Variants in CSMD1 observed in about 807,000 individuals in gnomAD.
CSMD1 encodes CUB and sushi domain-containing protein 1.
In CSMD1, 213 loss-of-function variants were observed where a neutral mutation model predicts 417.5. The observed-to-expected ratio is 0.51, with a 90% CI of 0.46 to 0.57. The LOEUF is 0.57. Ranked by LOEUF, CSMD1 falls within the 20% of genes least tolerant of loss-of-function variation. The probability of loss-of-function intolerance (pLI) is 0.00; values close to 1 mark genes in which losing one functional copy is unlikely to be tolerated. For missense variants in CSMD1, 6,923 were observed against 4,529.7 expected, an observed-to-expected ratio of 1.53 and a Z score of -15.17; for synonymous variants, 2,862 against 1,736.8, an observed-to-expected ratio of 1.65 and a Z score of -16.11.
intron 7 of CSMD1, among the ~76,000 whole-genome samples, chr8:3,635,947 T>C (rs752945034): frequency 6.6e-6 from 1 of 152,204 alleles, no homozygotes; most frequent in African/African-American, 2.4e-5. Context: ...TTTTTGGCTT[T>C]ATAAACTTCT....
intron 3 of CSMD1, among the ~76,000 whole-genome samples, chr8:4,360,311 T>A (rs532488853): frequency 6.6e-6 from 1 of 152,282 alleles, no homozygotes; most frequent in East Asian, 1.9e-4. Context: ...TGCATCCAGC[T>A]CCATGGGAAG....
At chr8:4,430,409 T>A (rs1797809621) in intron 2 of CSMD1, among the ~76,000 whole-genome samples, 1 of 152,180 alleles carries the variant, frequency 6.6e-6, no homozygotes. Flanking sequence ...CTCATGGTTA[T>A]GACATAGTCT....
chr8:4,237,237 G>T (rs758977008), intron 3 of CSMD1, among the ~76,000 whole-genome samples: 1 of 152,104 alleles, frequency 6.6e-6, no homozygotes, highest in Non-Finnish European at 1.5e-5. Context: ...CGAAGTAGAC[G>T]TCCTGCCCTT....
intron 5 of CSMD1, among the ~76,000 whole-genome samples, chr8:3,824,971 T>A (rs1268338816): frequency 6.6e-6 from 1 of 152,188 alleles, no homozygotes; most frequent in Non-Finnish European, 1.5e-5. Context: ...TGTTGTTTAA[T>A]AATAAACACA....
intron 4 of CSMD1, among the ~76,000 whole-genome samples, chr8:4,021,434 G>A (rs903559640): frequency 1.3e-5 from 2 of 152,146 alleles, no homozygotes; most frequent in African/African-American, 2.4e-5. Flanking sequence ...GGACAGCACT[G>A]CTCTAATTAC....
chr8:4,358,690 G>A (rs1365980252), intron 3 of CSMD1, among the ~76,000 whole-genome samples: 3 of 152,276 alleles, frequency 2.0e-5, no homozygotes, highest in South Asian at 4.1e-4. Flanking sequence ...TTTTCTAAGA[G>A]TAGAAACCAG....
intron 3 of CSMD1, among the ~76,000 whole-genome samples, chr8:4,243,953 C>A (rs1234806600): frequency 1.3e-5 from 2 of 152,172 alleles, no homozygotes; most frequent in Admixed American, 6.6e-5. Context: ...CTACAATCAT[C>A]AGTAGCAGGT....
At chr8:3,203,276 A>C in intron 31 of CSMD1, among the ~76,000 whole-genome samples, 1 of 152,118 alleles carries the variant, frequency 6.6e-6, no homozygotes, top group East Asian at 1.9e-4. Flanking sequence ...ACATGGCCCC[A>C]ACGTCTTCCT....
At chr8:4,815,893 G>A (rs1799178547) in intron 1 of CSMD1, among the ~76,000 whole-genome samples, 1 of 152,068 alleles carries the variant, frequency 6.6e-6, no homozygotes, top group Admixed American at 6.5e-5. Context: ...AATTGGTTAT[G>A]ATCTCATCTA....
intron 36 of CSMD1, among the ~76,000 whole-genome samples, chr8:3,187,012 C>T (rs764801009): frequency 2.0e-4 from 30 of 152,102 alleles, no homozygotes; most frequent in Admixed American, 5.2e-4. Context: ...AATGTAATGC[C>T]GGGCTTACAG....
chr8:3,294,755 T>G (rs919301173), intron 25 of CSMD1, among the ~76,000 whole-genome samples: 4 of 152,192 alleles, frequency 2.6e-5, no homozygotes, highest in Non-Finnish European at 4.4e-5. Context: ...GGGAATTCCC[T>G]GACCCCTTGC....
At chr8:4,545,524 A>C (rs1196267087) in intron 2 of CSMD1, among the ~76,000 whole-genome samples, 2 of 148,998 alleles carry the variant, frequency 1.3e-5, no homozygotes, top group Admixed American at 6.7e-5. Context: ...CGACCCTACG[A>C]AAGAATCTAC....
rs140434247 is a variant in CSMD1, at chr8:4,838,609, G to C, written c.85+155723C>G. On this transcript the variant is annotated intron_variant, in intron 1 of 69. Transcript: ENST00000635120. ...TCATAAACAATCAGTTTGTGCTTTGGCAGATGGAAACATGCTATTGCAAAA... is the reference window on the plus strand; with the variant it reads ...TCATAAACAATCAGTTTGTGCTTTGCCAGATGGAAACATGCTATTGCAAAA... 2.4e-4 allele frequency among the ~76,000 whole-genome samples: 37 copies of C among 152,314 alleles called. No individual in the cohort carries two copies. The East Asian group carries it at 6.0e-3, about 25-fold the overall frequency.
At chr8:4,740,024 T>C (rs1810505253) in intron 1 of CSMD1, among the ~76,000 whole-genome samples, 2 of 152,166 alleles carry the variant, frequency 1.3e-5, no homozygotes, top group South Asian at 2.1e-4. Flanking sequence ...AGCTTCAGCA[T>C]CCTGGCAGAG....
At chr8:4,130,105 C>T (rs371557262) in intron 3 of CSMD1, among the ~76,000 whole-genome samples, 1 of 152,060 alleles carries the variant, frequency 6.6e-6, no homozygotes, top group Non-Finnish European at 1.5e-5. Flanking sequence ...AGGGCTGCTC[C>T]ATCACCATGG....
intron 2 of CSMD1, among the ~76,000 whole-genome samples, chr8:4,470,165 T>C (rs935939035): frequency 1.3e-5 from 2 of 152,114 alleles, no homozygotes; most frequent in African/African-American, 4.8e-5. Context: ...TTGGTTTTCA[T>C]AACCTCATCT....
chr8:4,626,130 G>A (rs894170684), intron 2 of CSMD1, among the ~76,000 whole-genome samples: 1 of 152,128 alleles, frequency 6.6e-6, no homozygotes, highest in African/African-American at 2.4e-5. Flanking sequence ...GAGAAACAGA[G>A]ACACTATCTC....
intron 3 of CSMD1, among the ~76,000 whole-genome samples, chr8:4,205,117 A>C (rs1192417705): frequency 6.6e-6 from 1 of 152,240 alleles, no homozygotes; most frequent in Non-Finnish European, 1.5e-5. Flanking sequence ...GATTTAACAT[A>C]AACACATTTA....
At chr8:2,962,683 G>C (rs768444610) in intron 60 of CSMD1, 44 bp from the exon 61 acceptor site, 2 of 1,582,106 alleles carry the variant, frequency 1.3e-6, no homozygotes, top group Non-Finnish European at 8.6e-7. Context: ...AACGTCCCTG[G>C]ATCAGCTTCA....
Sources: gnomAD v4.1 joint callset for allele counts (sites outside exome capture counted in the v4.1 genomes callset) on GRCh38, gnomAD v4.1.1 for gene constraint, MANE v1.5 for transcripts, NCBI Gene and HGNC (gene_info 2026-07-23, HGNC 2026-07-21) for gene names.